MTMR2: variants seen among roughly 807,000 people sequenced by gnomAD.
MTMR2 encodes myotubularin related protein 2.
Under a neutral mutation model 86.9 loss-of-function variants are expected in MTMR2, and 55 were observed. The ratio of observed to expected loss-of-function variants is 0.63; its 90% CI spans 0.51 to 0.79. MTMR2 has a LOEUF of 0.79. Among genes scored for constraint, MTMR2 ranks in the 30% least tolerant of loss-of-function variants. MTMR2 has a pLI of 0.00. For synonymous variants in MTMR2, 241 were observed against 266.8 expected (o/e 0.90, Z 0.94); for missense variants, 659 against 772.3 (o/e 0.85, Z 1.74).
In MTMR2 at chr11:95,841,347, C is replaced by G. The variant is rs570822367; in HGVS notation, c.1479+270G>C. Among the ~76,000 whole-genome samples, 14 of 152,118 alleles carry G rather than the reference C, an allele frequency of 9.2e-5. 1 individual carries two copies. The South Asian group carries it at 2.9e-3, about 32-fold the overall frequency. On this transcript the variant is annotated intron_variant, in intron 12 of 14. Transcript: ENST00000346299. ...ATATATAAATGTGTTTTTAGGTGAG[C>G]CTATTTAACACTATTTGTTCAAAAC...
chr11:95,836,220 T>G lies in MTMR2; in HGVS notation c.1698A>C (p.Pro566=). 2 of 1,612,978 alleles carry G rather than the reference T, an allele frequency of 1.2e-6. No individual in the cohort carries two copies. The highest frequency in any genetic ancestry group is 1.7e-6 in the Non-Finnish European group (2 of 1,179,220). Residue 566 remains proline (P), a synonymous_variant, in exon 14 of 15, where the codon CCA becomes CCC. Coordinates refer to ENST00000346299, the MANE Select transcript of MTMR2 (RefSeq NM_016156.6). ...YGSYSNHVLY[P]VASMRHLELW... is the part of the protein sequence containing the mutation. ...GCTCTAGGTGGCGCATGCTGGCTACTGGATAAAGGACATGATTGGAATAGC... is the reference window on the plus strand; with the variant it reads ...GCTCTAGGTGGCGCATGCTGGCTACGGGATAAAGGACATGATTGGAATAGC...
rs372002778 is a variant in MTMR2, at chr11:95,889,526, G to T, written c.81-1265C>A. ...AATTATGTCTTTTTTGGGGGGGGAG[G>T]GGGGCGGGGGAGAAATGAGGTCTCA... On this transcript the variant is annotated intron_variant, in intron 1 of 14. Coordinates refer to ENST00000346299, the MANE Select transcript of MTMR2 (RefSeq NM_016156.6). Among the ~76,000 whole-genome samples, 5 of 129,022 alleles carry T rather than the reference G, an allele frequency of 3.9e-5. No individual in the cohort carries two copies. In the East Asian group the frequency reaches 8.3e-4, roughly 21 times the overall value. 84.6% of individuals were successfully genotyped at this position (129,022 alleles called of 152,430 possible).
chr11:95,913,891 G>A lies in MTMR2; in HGVS notation c.80+9984C>T, dbSNP rs531722460. On this transcript the variant is annotated intron_variant, in intron 1 of 14. Transcript: ENST00000346299. ...ACATACACAACACACATCAATAGCTGGAAAGCAAAGACCTTAGTATCTATA... is the reference window on the plus strand; with the variant it reads ...ACATACACAACACACATCAATAGCTAGAAAGCAAAGACCTTAGTATCTATA... Among the ~76,000 whole-genome samples, 7 of 152,130 alleles carry A rather than the reference G, an allele frequency of 4.6e-5. No homozygotes were observed. The East Asian group carries it at 1.4e-3, about 29-fold the overall frequency.
At chr11:95,875,434 T>G (rs2135514994) in intron 2 of MTMR2, among the ~76,000 whole-genome samples, 1 of 152,318 alleles carries the variant, frequency 6.6e-6, no homozygotes, top group African/African-American at 2.4e-5. Flanking sequence ...CATGCCACGG[T>G]TTTCAGCTCC....
chr11:95,911,361 CAT>C (rs1233427492), intron 1 of MTMR2, among the ~76,000 whole-genome samples: 3 of 152,140 alleles, frequency 2.0e-5, no homozygotes, highest in Non-Finnish European at 4.4e-5. Flanking sequence ...AAATAATTTA[CAT>C]ATGTCTGTTT....
In MTMR2 at chr11:95,838,173, A is replaced by G. The variant is rs766105845; in HGVS notation, c.1514T>C (p.Leu505Pro). Residue 505 changes from leucine (L) to proline (P), a missense_variant, in exon 13 of 15, where the codon CTC (leucine) becomes CCC (proline). By Grantham distance (98) the Leu-to-Pro change is moderately conservative. Around this residue, in one of 3 missense-constraint regions of MTMR2, gnomAD observed 193 missense variants for 191.6 expected, o/e 1.01. Transcript: ENST00000346299. Reference protein sequence around the residue: ...PTAFEFNEYFLITILDHLYSC... With the variant: ...PTAFEFNEYFPITILDHLYSC... ...GTATAGGTGGTCCAAAATGGTAATG[A>G]GAAAATACTCATTGAATTCAAATGC... The G allele has an allele frequency of 6.2e-7, 1 of 1,609,720 alleles. No homozygotes were observed. The highest frequency in any genetic ancestry group is 1.3e-5 in the African/African-American group (1 of 74,884).
chr11:95,890,129 T>C (rs1200807288), intron 1 of MTMR2, among the ~76,000 whole-genome samples: 2 of 152,210 alleles, frequency 1.3e-5, no homozygotes, highest in East Asian at 1.9e-4. Flanking sequence ...AAAGTGGCAT[T>C]CCAGTGCAAA....
At chr11:95,918,776 A>G (rs554774916) in intron 1 of MTMR2, among the ~76,000 whole-genome samples, 1 of 152,340 alleles carries the variant, frequency 6.6e-6, no homozygotes, top group African/African-American at 2.4e-5. Flanking sequence ...AAAATGTGTG[A>G]TTGTACACAA....
chr11:95,848,014 TC>T (rs1462136191), intron 9 of MTMR2, 115 bp from the exon 10 acceptor site: 8 of 1,039,610 alleles, frequency 7.7e-6, no homozygotes, highest in African/African-American at 1.6e-5. Context: ...CAAGGAAAAC[TC>T]CACAGGAAAA....
In MTMR2 at chr11:95,898,639, GA is replaced by G. The variant is rs1865964733; in HGVS notation, c.81-10379del. Among the ~76,000 whole-genome samples the G allele has an allele frequency of 4.6e-5, 7 of 152,248 alleles. No homozygotes were observed. The South Asian group carries it at 1.5e-3, about 32-fold the overall frequency. On this transcript the variant is annotated intron_variant, in intron 1 of 14. Coordinates refer to ENST00000346299, the MANE Select transcript of MTMR2 (RefSeq NM_016156.6). ...TTGTTTATATTATGTGATTTTACCA[GA>G]AACTATACCTATGTAGCTAAGTAGT...
At chr11:95,879,167 G>GT (rs11392040) in intron 2 of MTMR2, among the ~76,000 whole-genome samples, 25,407 of 152,072 alleles carry the variant, frequency 0.17, 2,707 homozygotes, top group Admixed American at 0.24. Flanking sequence ...AGAACCAGAG[G>GT]TAAAAATGTG....
At chr11:95,908,375 G>A (rs1443931511) in intron 1 of MTMR2, among the ~76,000 whole-genome samples, 1 of 152,094 alleles carries the variant, frequency 6.6e-6, no homozygotes, top group Non-Finnish European at 1.5e-5. Context: ...CCATGCTCAT[G>A]GATAGGAAGA....
chr11:95,887,433 C>T (rs775526077), intron 2 of MTMR2, among the ~76,000 whole-genome samples: 4 of 150,542 alleles, frequency 2.7e-5, no homozygotes, highest in Non-Finnish European at 5.9e-5. Context: ...AAAAAAAAAA[C>T]GATTATGAAG....
rs10552965 is a variant in MTMR2, at chr11:95,905,331, GCACACACACACA to G, written c.81-17082_81-17071del. Among the ~76,000 whole-genome samples the G allele has an allele frequency of 7.4e-5, 11 of 147,990 alleles. 1 individual carries two copies. Among genetic ancestry groups the G allele is most frequent in the Middle Eastern group, 3.2e-3 (1 of 316 alleles). ...CTTACACACACACGCACGCACCTGC[GCACACACACACA>G]CACACACACACACACACACACACAC... On this transcript the variant is annotated intron_variant, in intron 1 of 14. Coordinates refer to ENST00000346299, the MANE Select transcript of MTMR2 (RefSeq NM_016156.6).
intron 1 of MTMR2, among the ~76,000 whole-genome samples, chr11:95,920,027 T>C (rs1451466969): frequency 1.3e-5 from 2 of 152,198 alleles, no homozygotes; most frequent in African/African-American, 4.8e-5. Flanking sequence ...GTTCTGAGAC[T>C]CAAGCCTACT....
chr11:95,854,041 A>C (rs1346753549), intron 7 of MTMR2, among the ~76,000 whole-genome samples: 1 of 152,138 alleles, frequency 6.6e-6, no homozygotes, highest in Non-Finnish European at 1.5e-5. Context: ...CACATTATTC[A>C]CGTAAGTAGC....
chr11:95,872,920 T>C (rs1188484288), intron 2 of MTMR2, among the ~76,000 whole-genome samples: 1 of 152,212 alleles, frequency 6.6e-6, no homozygotes, highest in East Asian at 1.9e-4. Context: ...TTACGTTTAT[T>C]GATTTGTGTA....
chr11:95,891,028 T>A (rs1330127420), intron 1 of MTMR2, among the ~76,000 whole-genome samples: 3 of 152,240 alleles, frequency 2.0e-5, no homozygotes, highest in Non-Finnish European at 4.4e-5. Context: ...ATAATGCTAT[T>A]TTATACGCCT....
rs536363204 is a variant in MTMR2 at position 95,860,192 on chromosome 11, G to T, written c.469-1560C>A. ...GGTTGCCAGCGATTACACTCACAGA[G>T]CCCTTCTGACTATAATGGAAAACCA... On this transcript the variant is annotated intron_variant, in intron 5 of 14. Coordinates refer to ENST00000346299, the MANE Select transcript of MTMR2 (RefSeq NM_016156.6). Among the ~76,000 whole-genome samples the T allele has an allele frequency of 3.9e-5, 6 of 152,148 alleles. No homozygotes were observed. The South Asian group carries it at 1.2e-3, about 32-fold the overall frequency.
Sources: allele counts gnomAD v4.1 joint callset (sites outside exome capture counted in the v4.1 genomes callset), GRCh38; gene constraint gnomAD v4.1.1; regional missense constraint gnomAD v4.1.1; transcripts MANE v1.5; gene names NCBI Gene and HGNC (gene_info 2026-07-23, HGNC 2026-07-21).